The following GADL1 variants were observed in gnomAD, a reference collection of about 807,000 sequenced individuals.
GADL1 encodes GAD like acidic amino acid decarboxylase 1.
A neutral mutation model predicts 69.5 loss-of-function variants in GADL1; 71 were observed. The observed-to-expected ratio is 1.02, with a 90% CI of 0.84 to 1.25. The LOEUF (loss-of-function observed/expected upper bound fraction) is 1.25. Among genes scored for constraint, GADL1 ranks in the 50% most tolerant of loss-of-function variants. GADL1 has a pLI of 0.00. For missense variants in GADL1, 737 were observed against 631.8 expected, an observed-to-expected ratio of 1.17 and a Z score of -1.79; for synonymous variants, 254 against 214.4, an observed-to-expected ratio of 1.18 and a Z score of -1.62.
chr3:30,820,975 T>C (rs952704907), intron 11 of GADL1, among the ~76,000 whole-genome samples: 3 of 152,018 alleles, frequency 2.0e-5, no homozygotes, highest in African/African-American at 4.8e-5. Context: ...ATATACACCA[T>C]GGAATACTAT....
Position 30,756,449 on chromosome 3 carries a change from T to C in GADL1, c.1392+21730A>G, listed in dbSNP as rs542603774. ...AGAATGACTGCAAATATGGTACCAA[T>C]TATCCTTCTACCACTTTTTGCACTG... On this transcript the variant is annotated intron_variant, in intron 14 of 14. Coordinates refer to ENST00000282538, the MANE Select transcript of GADL1 (RefSeq NM_207359.3). Among the ~76,000 whole-genome samples, 5 of 152,312 alleles carry C rather than the reference T, an allele frequency of 3.3e-5. No individual in the cohort carries two copies. In the South Asian group the frequency reaches 1.0e-3, roughly 32 times the overall value.
At chr3:30,883,696 T>G (rs1265100706) in intron 1 of GADL1, among the ~76,000 whole-genome samples, 1 of 152,038 alleles carries the variant, frequency 6.6e-6, no homozygotes, top group African/African-American at 2.4e-5. Context: ...CATTTGGGTT[T>G]TGATAAAGAT....
intron 14 of GADL1, among the ~76,000 whole-genome samples, chr3:30,754,812 A>G (rs1695929159): frequency 6.6e-6 from 1 of 152,140 alleles, no homozygotes; most frequent in African/African-American, 2.4e-5. Flanking sequence ...TTTTCTAAAA[A>G]TGAATTTTAA....
chr3:30,789,681 A>G (rs563494627), intron 12 of GADL1, among the ~76,000 whole-genome samples: 1 of 152,320 alleles, frequency 6.6e-6, no homozygotes, highest in Non-Finnish European at 1.5e-5. Context: ...GATCTTCAGC[A>G]TAACTTGCTC....
intron 14 of GADL1, among the ~76,000 whole-genome samples, chr3:30,734,378 T>C (rs1329463289): frequency 6.6e-6 from 1 of 152,196 alleles, no homozygotes; most frequent in Non-Finnish European, 1.5e-5. Context: ...TGACCATAAA[T>C]ATGAACTGAA....
chr3:30,792,045 A>G (rs1232394578), intron 12 of GADL1, among the ~76,000 whole-genome samples: 1 of 152,184 alleles, frequency 6.6e-6, no homozygotes, highest in Non-Finnish European at 1.5e-5. Context: ...CTTTACTAGC[A>G]GCATGAGAAC....
chr3:30,823,981 A>G lies in GADL1; in HGVS notation c.1050+9872T>C, dbSNP rs116058646. 1.7e-3 allele frequency among the ~76,000 whole-genome samples: 251 copies of G among 151,998 alleles called. 1 individual carries two copies. The highest frequency in any genetic ancestry group is 5.9e-3 in the African/African-American group (247 of 41,532). The stretch of plus-strand genomic sequence containing the variant: ...GGAACATACAAAATAGAGAGTAAGA[A>G]GAAAAGAAAGGAAGAAGTCTTAATA... On this transcript the variant is annotated intron_variant, in intron 11 of 14. Coordinates refer to ENST00000282538, the MANE Select transcript of GADL1 (RefSeq NM_207359.3).
intron 1 of GADL1, among the ~76,000 whole-genome samples, chr3:30,888,184 T>G (rs1254698769): frequency 1.3e-5 from 2 of 152,188 alleles, no homozygotes; most frequent in East Asian, 1.9e-4. Context: ...ATGCAGAAAC[T>G]GCAGCTAGGA....
intron 1 of GADL1, among the ~76,000 whole-genome samples, chr3:30,892,278 A>G (rs896405786): frequency 3.9e-5 from 6 of 152,238 alleles, no homozygotes; most frequent in Non-Finnish European, 8.8e-5. Context: ...TAGGTCTGTA[A>G]CAGATATTCA....
chr3:30,731,204 C>T (rs549940197), intron 14 of GADL1, among the ~76,000 whole-genome samples: 2 of 152,182 alleles, frequency 1.3e-5, no homozygotes, highest in East Asian at 3.9e-4. Context: ...TTTTTGAAAT[C>T]AAAATTCTCT....
intron 11 of GADL1, among the ~76,000 whole-genome samples, chr3:30,813,638 G>C (rs537502690): frequency 6.6e-6 from 1 of 152,332 alleles, no homozygotes; most frequent in Admixed American, 6.5e-5. Context: ...GAGAGGTCTG[G>C]CCTCTGAGGC....
chr3:30,780,149 G>C (rs1696627282), intron 13 of GADL1, among the ~76,000 whole-genome samples: 1 of 152,152 alleles, frequency 6.6e-6, no homozygotes, highest in African/African-American at 2.4e-5. Flanking sequence ...GGAGAGAGAT[G>C]CCAGCTAGGC....
Position 30,882,583 on chromosome 3 carries a change from G to A in GADL1, c.37+11995C>T, listed in dbSNP as rs1698657844. Among the ~76,000 whole-genome samples, 2 of 151,814 alleles carry A rather than the reference G, an allele frequency of 1.3e-5. 1 individual carries two copies. Among genetic ancestry groups the A allele is most frequent in the South Asian group, 4.2e-4 (2 of 4,818 alleles). ...CATTCATCCAATGATGGATACTTGG[G>A]TAGCTTCCACCTCTTTACTATCGTG... On this transcript the variant is annotated intron_variant, in intron 1 of 14. Transcript: ENST00000282538.
chr3:30,863,390 A>G (rs1316168079), intron 1 of GADL1, among the ~76,000 whole-genome samples: 1 of 152,130 alleles, frequency 6.6e-6, no homozygotes, highest in East Asian at 1.9e-4. Flanking sequence ...AACATGTTCA[A>G]GACTGTACAT....
intron 14 of GADL1, among the ~76,000 whole-genome samples, chr3:30,738,668 T>C (rs777894897): frequency 8.5e-5 from 13 of 152,182 alleles, no homozygotes; most frequent in Non-Finnish European, 1.9e-4. Context: ...TTAGGTTCTA[T>C]GGGCAGTGGT....
At chr3:30,830,648 C>T (rs561248341) in intron 11 of GADL1, among the ~76,000 whole-genome samples, 150 of 151,980 alleles carry the variant, frequency 9.9e-4, no homozygotes, top group Non-Finnish European at 1.6e-3. Flanking sequence ...AAAGATCCTC[C>T]CAAGGCATCT....
chr3:30,847,122 G>A (rs370270787), intron 6 of GADL1, among the ~76,000 whole-genome samples: 1 of 152,128 alleles, frequency 6.6e-6, no homozygotes, highest in Non-Finnish European at 1.5e-5. Context: ...ATATCAAAGT[G>A]CAAACCAAGA....
intron 12 of GADL1, among the ~76,000 whole-genome samples, chr3:30,790,608 G>T (rs1344983811): frequency 6.6e-6 from 1 of 152,128 alleles, no homozygotes; most frequent in African/African-American, 2.4e-5. Flanking sequence ...ACATCCAGTG[G>T]TGGTAAGAAT....
chr3:30,747,828 C>T (rs1364539749), intron 14 of GADL1, among the ~76,000 whole-genome samples: 1 of 152,066 alleles, frequency 6.6e-6, no homozygotes, highest in Non-Finnish European at 1.5e-5. Flanking sequence ...AGGATTGTGG[C>T]CTGTGGTTTA....
Sources: allele counts gnomAD v4.1 joint callset (sites outside exome capture counted in the v4.1 genomes callset), GRCh38; gene constraint gnomAD v4.1.1; transcripts MANE v1.5; gene names NCBI Gene and HGNC (gene_info 2026-07-23, HGNC 2026-07-21).